The following LAT variants were observed in gnomAD, a reference collection of about 807,000 sequenced individuals.
LAT encodes the protein linker for activation of T-cells family member 1.
In LAT, 12 loss-of-function variants were observed where a neutral mutation model predicts 39.1. The ratio of observed to expected loss-of-function variants is 0.31; its 90% CI spans 0.20 to 0.50. The LOEUF is 0.50. Among genes scored for constraint, LAT ranks in the 20% least tolerant of loss-of-function variants. The pLI is 0.98. For synonymous variants in LAT, 117 were observed against 123.8 expected (o/e 0.95, Z 0.36); for missense variants, 253 against 308.0 (o/e 0.82, Z 1.34).
chr16:28,985,772 T>A lies in LAT; in HGVS notation c.128+32T>A. ...CCGCCCCAGCCGCCCTGGGTCTCCCTCCACACCCCATGGCGGGGCAGGGCT... is the reference window on the plus strand; with the variant it reads ...CCGCCCCAGCCGCCCTGGGTCTCCCACCACACCCCATGGCGGGGCAGGGCT... On this transcript the variant is annotated intron_variant, in intron 2 of 11. Transcript: ENST00000395456. This position sits in a 1 kb window ranked among gnomAD's most constrained non-coding sequence, Gnocchi z 4.6. 1 of 1,613,840 alleles carries A rather than the reference T, an allele frequency of 6.2e-7. No homozygotes were observed. The highest frequency in any genetic ancestry group is 8.5e-7 in the Non-Finnish European group (1 of 1,179,808).
upstream of LAT, chr16:28,984,819 A>T (rs1965701666): frequency 3.9e-6 from 6 of 1,540,002 alleles, no homozygotes; most frequent in East Asian, 1.5e-4. Flanking sequence ...CAGAATTCCC[A>T]CTGTCAGGGC....
Position 28,986,589 on chromosome 16 carries a change from T to C in LAT, c.340+20T>C, listed in dbSNP as rs371061969. On this transcript the variant is annotated intron_variant, in intron 6 of 11. Coordinates refer to ENST00000395456, the MANE Select transcript of LAT (RefSeq NM_001014987.2). The surrounding 1 kb of genome is among the most constrained non-coding windows in gnomAD (Gnocchi z 5.7). ...ACGAGGGTGCGTCTGGGATCCGAGG[T>C]GCCCAGGCTGGGTGGGGAGTCTGGG... The C allele has an allele frequency of 2.5e-5, 41 of 1,613,518 alleles. No homozygotes were observed. The highest frequency in any genetic ancestry group is 2.9e-5 in the Non-Finnish European group (34 of 1,179,614).
chr16:28,985,475 G>A lies in LAT; in HGVS notation c.58G>A (p.Ala20Thr). ...GGGGCTCCTGCTGCTGCCCATCCTGGCCATGTTGATGGCACTGTGTGTGCA... is the reference window on the plus strand; with the variant it reads ...GGGGCTCCTGCTGCTGCCCATCCTGACCATGTTGATGGCACTGTGTGTGCA... ...VLGLLLLPIL[A>T]MLMALCVHCH... Residue 20 changes from alanine to threonine, a missense_variant, in exon 1 of 12, where the codon GCC (alanine) becomes ACC (threonine). Ala to Thr is a moderately conservative substitution (Grantham distance 58, BLOSUM62 0). Transcript: ENST00000395456. This position sits in a 1 kb window ranked among gnomAD's most constrained non-coding sequence, Gnocchi z 4.6. The A allele has an allele frequency of 6.2e-7, 1 of 1,613,812 alleles. No homozygotes were observed. The highest frequency in any genetic ancestry group is 2.2e-5 in the East Asian group (1 of 44,872).
rs914029537 is a variant in LAT, at chr16:28,986,075, G to A, written c.164-60G>A. ...TGTGGGGCTTTCAGGGGCTTAGTCT[G>A]TTCTTTGAGGCCTTGACGATGTCCG... On this transcript the variant is annotated intron_variant, in intron 3 of 11. Transcript: ENST00000395456. This position sits in a 1 kb window ranked among gnomAD's most constrained non-coding sequence, Gnocchi z 5.7. 6.9e-7 allele frequency: 1 copy of A among 1,458,360 alleles called. No individual in the cohort carries two copies. Among genetic ancestry groups the A allele is most frequent in the Non-Finnish European group, 9.5e-7 (1 of 1,054,792 alleles). The allele number at this position is 1,458,360 out of a possible 1,614,324, so 90.3% of individuals were successfully genotyped here.
In LAT at chr16:28,985,456, C is replaced by T; in HGVS notation, c.39C>T (p.Leu13=). The change falls in exon 1 of 12, where the codon CTC becomes CTT. Residue 13 remains leucine (L), a synonymous_variant. Transcript: ENST00000395456. The surrounding 1 kb of genome is among the most constrained non-coding windows in gnomAD (Gnocchi z 4.6). ...EAILVPCVLG[L]LLLPILAMLM... is the part of the protein sequence containing the mutation. ...TCCTGGTCCCCTGCGTGCTGGGGCT[C>T]CTGCTGCTGCCCATCCTGGCCATGT... is the stretch of plus-strand genomic sequence containing the variant. 1 of 1,613,832 alleles carries T rather than the reference C, an allele frequency of 6.2e-7. No homozygotes were observed. The highest frequency in any genetic ancestry group is 1.1e-5 in the South Asian group (1 of 91,084).
rs1004483202 is a variant in LAT, at chr16:28,985,757, C to T, written c.128+17C>T. ...CTCAGATAGGTGAGTCCGCCCCAGC[C>T]GCCCTGGGTCTCCCTCCACACCCCA... On this transcript the variant is annotated intron_variant, in intron 2 of 11. Transcript: ENST00000395456. The surrounding 1 kb of genome is among the most constrained non-coding windows in gnomAD (Gnocchi z 4.6). 17 of 1,613,984 alleles carry T rather than the reference C, an allele frequency of 1.1e-5. No homozygotes were observed. In the East Asian group the frequency reaches 1.3e-4, roughly 13 times the overall value.
chr16:28,987,052 C>T (rs951004836), intron 8 of LAT, among the ~76,000 whole-genome samples, 159 bp downstream of exon 8: 12 of 152,128 alleles, frequency 7.9e-5, no homozygotes, highest in African/African-American at 1.4e-4. Flanking sequence ...AGACCACAGG[C>T]GCATGCCACC....
At chr16:28,989,892 G>T (rs780620380) in intron 10 of LAT, 41 bp from the exon 11 acceptor site, 4 of 1,613,520 alleles carry the variant, frequency 2.5e-6, no homozygotes, top group Middle Eastern at 1.7e-4. Context: ...GGCTTGGGGG[G>T]ATAGCTTGCA....
intron 8 of LAT, chr16:28,987,863 G>A (rs1355541386): frequency 1.3e-5 from 2 of 151,874 alleles, no homozygotes; most frequent in African/African-American, 4.8e-5. Context: ...AGGCCGAGGC[G>A]GGAGGATTGC....
rs535156699 is a variant in LAT at position 28,986,691 on chromosome 16, C to T, written c.375C>T (p.Asp125=). The change falls in exon 7 of 12, where the codon GAC becomes GAT. Residue 125 remains aspartate (D), a synonymous_variant. Coordinates refer to ENST00000395456, the MANE Select transcript of LAT (RefSeq NM_001014987.2). The surrounding 1 kb of genome is among the most constrained non-coding windows in gnomAD (Gnocchi z 5.7). ...PACEDADEDE[D]DYHNPGYLVV... is the part of the protein sequence containing the mutation. ...GTGAGGATGCGGATGAGGATGAGGA[C>T]GACTATCACAACCCAGGCTACCTGT... 2.0e-5 allele frequency: 33 copies of T among 1,613,300 alleles called. No individual in the cohort carries two copies. The highest frequency in any genetic ancestry group is 1.8e-4 in the East Asian group (8 of 44,886).
chr16:28,988,268 C>T (rs557090670), intron 8 of LAT: 2 of 152,438 alleles, frequency 1.3e-5, no homozygotes, highest in Admixed American at 1.3e-4. Context: ...ATCTGTTTAA[C>T]AGCACTGCTG....
chr16:28,985,803 TTCCATCC>T lies in LAT; in HGVS notation c.129-44_129-38del. The T allele has an allele frequency of 6.2e-7, 1 of 1,613,848 alleles. No individual in the cohort carries two copies. Among genetic ancestry groups the T allele is most frequent in the Non-Finnish European group, 8.5e-7 (1 of 1,179,838 alleles). On this transcript the variant is annotated intron_variant, in intron 2 of 11. Coordinates refer to ENST00000395456, the MANE Select transcript of LAT (RefSeq NM_001014987.2). The surrounding 1 kb of genome is among the most constrained non-coding windows in gnomAD (Gnocchi z 4.6). The stretch of plus-strand genomic sequence containing the variant: ...CCCCATGGCGGGGCAGGGCTGGGGC[TTCCATCC>T]TCCATCTTCCAGCCCCATCCCCAAG...
Position 28,986,338 on chromosome 16 carries a change from C to G in LAT, c.246-44C>G, listed in dbSNP as rs770552343. On this transcript the variant is annotated intron_variant, in intron 4 of 11. Transcript: ENST00000395456. The surrounding 1 kb of genome is among the most constrained non-coding windows in gnomAD (Gnocchi z 5.7). Reference sequence around the variant, plus strand: ...TTCCCTTTTGCAACTGCTGTTGCCCCCTGAGCCCCACCTCAGGCATGACCC... The same window carrying G: ...TTCCCTTTTGCAACTGCTGTTGCCCGCTGAGCCCCACCTCAGGCATGACCC... The G allele has an allele frequency of 1.2e-6, 2 of 1,607,474 alleles. No homozygotes were observed. The highest frequency in any genetic ancestry group is 1.7e-6 in the Non-Finnish European group (2 of 1,175,194).
Position 28,986,971 on chromosome 16 carries a change from G to A in LAT, c.493+78G>A. On this transcript the variant is annotated intron_variant, in intron 8 of 11. Transcript: ENST00000395456. This position sits in a 1 kb window ranked among gnomAD's most constrained non-coding sequence, Gnocchi z 5.7. The stretch of plus-strand genomic sequence containing the variant: ...TGCAGTGGTGCCATTGTAGCTCGCT[G>A]CAGCCTTGAACTCCTGGGCTCCAGT... The A allele has an allele frequency of 8.1e-7, 1 of 1,242,156 alleles. No homozygotes were observed. The highest frequency in any genetic ancestry group is 1.4e-5 in the South Asian group (1 of 73,680). 76.9% of individuals were successfully genotyped at this position (1,242,156 alleles called of 1,614,324 possible).
chr16:28,984,936 C>T, upstream of LAT: 1 of 1,533,494 alleles, frequency 6.5e-7, no homozygotes, highest in Non-Finnish European at 8.8e-7. Flanking sequence ...TGGTGAGTGC[C>T]TGGGGTGGCT....
rs775100785 is a variant in LAT, at chr16:28,986,092, C to CG, written c.164-42dup. ...CTTAGTCTGTTCTTTGAGGCCTTGA[C>CG]GATGTCCGGAGTCCTTCTTTCAACT... On this transcript the variant is annotated intron_variant, in intron 3 of 11. Transcript: ENST00000395456. The surrounding 1 kb of genome is among the most constrained non-coding windows in gnomAD (Gnocchi z 5.7). 4 of 1,511,644 alleles carry CG rather than the reference C, an allele frequency of 2.6e-6. No individual in the cohort carries two copies. The African/African-American group carries it at 5.5e-5, about 21-fold the overall frequency. 93.6% of individuals were successfully genotyped at this position (1,511,644 alleles called of 1,614,324 possible).
intron 8 of LAT, chr16:28,988,475 C>T (rs1180036381): frequency 6.6e-6 from 1 of 152,312 alleles, no homozygotes; most frequent in African/African-American, 2.4e-5. Flanking sequence ...CTTTGGGAGG[C>T]CAAGGTGGGG....
Position 28,985,274 on chromosome 16 carries a change from C to T in LAT, c.-144C>T. Reference sequence around the variant, plus strand: ...GGAGCCCCGGGGAGGGCACAGCTGCCTCCTCCCGGGCTCCCCTGCCACCTG... The same window carrying T: ...GGAGCCCCGGGGAGGGCACAGCTGCTTCCTCCCGGGCTCCCCTGCCACCTG... On this transcript the variant is annotated 5_prime_UTR_variant, in exon 1 of 12. Transcript: ENST00000395456. The surrounding 1 kb of genome is among the most constrained non-coding windows in gnomAD (Gnocchi z 4.6). 13 of 1,459,802 alleles carry T rather than the reference C, an allele frequency of 8.9e-6. No individual in the cohort carries two copies. The South Asian group carries it at 1.8e-4, about 20-fold the overall frequency. 90.4% of individuals were successfully genotyped at this position (1,459,802 alleles called of 1,614,324 possible).
intron 9 of LAT, 83 bp from the exon 10 acceptor site, chr16:28,989,691 C>T (rs1276011735): frequency 2.5e-6 from 4 of 1,589,828 alleles, no homozygotes; most frequent in Non-Finnish European, 3.4e-6. Flanking sequence ...CACCCTCTGC[C>T]CCCTCTGTCT....
Sources: gnomAD v4.1 joint callset for allele counts (sites outside exome capture counted in the v4.1 genomes callset) on GRCh38, gnomAD v4.1.1 for gene constraint, Gnocchi (gnomAD v3.1) non-coding constraint, MANE v1.5 for transcripts, NCBI Gene and HGNC (gene_info 2026-07-23, HGNC 2026-07-21) for gene names.